Variants in GHR observed in about 807,000 individuals in gnomAD.
GHR encodes growth hormone receptor, also known as GH receptor.
A neutral mutation model predicts 67.1 loss-of-function variants in GHR; 35 were observed. That is an observed-to-expected ratio of 0.52 (90% CI 0.40 to 0.69). The LOEUF is 0.69. Among genes scored for constraint, GHR ranks in the 30% least tolerant of loss-of-function variants. The pLI, the probability that GHR is intolerant of heterozygous loss-of-function variation, is 0.00. For missense variants in GHR, 792 were observed against 764.6 expected (o/e 1.04, Z -0.42); for synonymous variants, 272 against 269.1 (o/e 1.01, Z -0.10).
At chr5:42,562,458 A>C (rs1949381844) in intron 1 of GHR, among the ~76,000 whole-genome samples, 1 of 152,116 alleles carries the variant, frequency 6.6e-6, no homozygotes, top group Admixed American at 6.6e-5. Flanking sequence ...GCAGTGTTCC[A>C]GGCGGCAGTG....
chr5:42,629,569 C>G (rs1753851430), intron 3 of GHR, among the ~76,000 whole-genome samples: 1 of 132,306 alleles, frequency 7.6e-6, no homozygotes, highest in Admixed American at 7.3e-5. Context: ...CTAATACAGC[C>G]TGCAGAACTG....
At chr5:42,687,306 T>C (rs112867663) in intron 3 of GHR, among the ~76,000 whole-genome samples, 3,435 of 152,186 alleles carry the variant, frequency 0.023, 59 homozygotes, top group Non-Finnish European at 0.032. Flanking sequence ...CTTCACAGAA[T>C]TGGAAAAAAA....
At chr5:42,657,709 C>T (rs1755331600) in intron 3 of GHR, among the ~76,000 whole-genome samples, 1 of 152,182 alleles carries the variant, frequency 6.6e-6, no homozygotes, top group Non-Finnish European at 1.5e-5. Context: ...CTATGAAGTA[C>T]TATAAGTCTA....
chr5:42,434,285 C>T (rs1437249297), intron 1 of GHR, among the ~76,000 whole-genome samples: 1 of 152,130 alleles, frequency 6.6e-6, no homozygotes, highest in Non-Finnish European at 1.5e-5. Flanking sequence ...TCAACCAAGC[C>T]ACTCCTTTCT....
At chr5:42,557,357 C>G (rs182055172) in intron 1 of GHR, among the ~76,000 whole-genome samples, 12 of 152,122 alleles carry the variant, frequency 7.9e-5, no homozygotes, top group Non-Finnish European at 1.3e-4. Context: ...TGCTCTACCA[C>G]ATGCCTAGAT....
intron 3 of GHR, among the ~76,000 whole-genome samples, chr5:42,638,500 T>C (rs1754311969): frequency 6.6e-6 from 1 of 152,200 alleles, no homozygotes; most frequent in Non-Finnish European, 1.5e-5. Flanking sequence ...ACACCAGCCT[T>C]TATGATATAG....
chr5:42,492,083 A>T (rs146134392), intron 1 of GHR, among the ~76,000 whole-genome samples: 1 of 152,138 alleles, frequency 6.6e-6, no homozygotes, highest in East Asian at 1.9e-4. Flanking sequence ...TTTTCCTTAT[A>T]CTCTGTTTCT....
At chr5:42,445,095 T>C (rs886526246) in intron 1 of GHR, among the ~76,000 whole-genome samples, 6 of 152,238 alleles carry the variant, frequency 3.9e-5, no homozygotes, top group Admixed American at 6.5e-5. Flanking sequence ...CTCATTGTCA[T>C]TTTTAAATTT....
intron 4 of GHR, among the ~76,000 whole-genome samples, chr5:42,693,177 A>AT (rs1047004716): frequency 6.6e-6 from 1 of 150,938 alleles, no homozygotes; most frequent in African/African-American, 2.4e-5. Flanking sequence ...TTGCTTTGGC[A>AT]CCCAGGCTGG....
chr5:42,678,973 T>C (rs977765144), intron 3 of GHR, among the ~76,000 whole-genome samples: 5 of 146,878 alleles, frequency 3.4e-5, no homozygotes, highest in Non-Finnish European at 7.5e-5. Context: ...TAAATATATA[T>C]TTATATTAAT....
chr5:42,590,959 A>G (rs781504681), intron 2 of GHR, among the ~76,000 whole-genome samples: 6 of 152,252 alleles, frequency 3.9e-5, no homozygotes, highest in Non-Finnish European at 8.8e-5. Context: ...GCACAGTAAA[A>G]TATGAACAGG....
At chr5:42,523,125 A>G (rs1747547968) in intron 1 of GHR, among the ~76,000 whole-genome samples, 1 of 152,234 alleles carries the variant, frequency 6.6e-6, no homozygotes, top group African/African-American at 2.4e-5. Flanking sequence ...TCAAAACAGT[A>G]GTTTTCATTT....
chr5:42,574,347 T>A (rs1425926244), intron 2 of GHR, among the ~76,000 whole-genome samples: 1 of 152,202 alleles, frequency 6.6e-6, no homozygotes, highest in Admixed American at 6.5e-5. Flanking sequence ...AACTGGTATA[T>A]CATGGTGCCC....
At chr5:42,669,327 T>A (rs975627300) in intron 3 of GHR, among the ~76,000 whole-genome samples, 1 of 152,152 alleles carries the variant, frequency 6.6e-6, no homozygotes, top group African/African-American at 2.4e-5. Context: ...GCTTCAAAAA[T>A]GAAATTACAT....
At chr5:42,429,755 C>T (rs755777304) in intron 1 of GHR, among the ~76,000 whole-genome samples, 2 of 152,152 alleles carry the variant, frequency 1.3e-5, no homozygotes, top group Admixed American at 6.5e-5. Flanking sequence ...CCAAATATAC[C>T]GAAAGTAGAA....
chr5:42,566,062 A>C (rs1749915730), intron 2 of GHR, 118 bp downstream of exon 2: 1 of 1,209,230 alleles, frequency 8.3e-7, no homozygotes, highest in Non-Finnish European at 1.2e-6. Flanking sequence ...CATAGCAGCA[A>C]AAAGGAAACT....
At position 42,613,427 on chromosome 5, in the gene GHR, T is replaced by C. The variant is rs55911328; in HGVS notation, c.71-15611T>C. ...CTTGCCTCTTAAATTGGTTAATGTA[T>C]GTTTGATGACTAATTGTACACATAA... is the stretch of plus-strand genomic sequence containing the variant. On this transcript the variant is annotated intron_variant, in intron 2 of 9. Coordinates refer to ENST00000230882, the MANE Select transcript of GHR (RefSeq NM_000163.5). Among the ~76,000 whole-genome samples the C allele has an allele frequency of 6.7e-3, 1,014 of 152,274 alleles. 11 individuals carry two copies. The highest frequency in any genetic ancestry group is 0.023 in the African/African-American group (963 of 41,574).
At chr5:42,594,497 A>G (rs1751960454) in intron 2 of GHR, among the ~76,000 whole-genome samples, 1 of 152,154 alleles carries the variant, frequency 6.6e-6, no homozygotes, top group Non-Finnish European at 1.5e-5. Flanking sequence ...TGAAGACTAC[A>G]TTGGATATAT....
chr5:42,679,265 T>G (rs1260313559), intron 3 of GHR, among the ~76,000 whole-genome samples: 9 of 149,168 alleles, frequency 6.0e-5, no homozygotes, highest in Non-Finnish European at 1.3e-4. Flanking sequence ...AATTTACATA[T>G]ACATATAAAT....
Sources: gnomAD v4.1 joint callset for allele counts (sites outside exome capture counted in the v4.1 genomes callset) on GRCh38, gnomAD v4.1.1 for gene constraint, MANE v1.5 for transcripts, NCBI Gene and HGNC (gene_info 2026-07-23, HGNC 2026-07-21) for gene names.